CNTNAP2: variants seen among roughly 807,000 people sequenced by gnomAD.
CNTNAP2 encodes the protein contactin-associated protein-like 2.
CNTNAP2 carries 98 observed loss-of-function variants against 155.2 expected under a neutral mutation model. The ratio of observed to expected loss-of-function variants is 0.63; its 90% confidence interval spans 0.54 to 0.75. The LOEUF (loss-of-function observed/expected upper bound fraction) is 0.75, where lower values mean the gene tolerates loss of function less well. CNTNAP2 is among the 30% of genes least tolerant of loss of function. The probability of loss-of-function intolerance (pLI) is 0.00; values close to 1 mark genes in which losing one functional copy is unlikely to be tolerated. For synonymous variants in CNTNAP2, 651 were observed against 631.2 expected (o/e 1.03, Z -0.47); for missense variants, 1,727 against 1,688.1 (o/e 1.02, Z -0.40).
chr7:147,034,159 G>A (rs908783761), intron 3 of CNTNAP2, among the ~76,000 whole-genome samples: 2 of 152,188 alleles, frequency 1.3e-5, no homozygotes, highest in African/African-American at 2.4e-5. Context: ...TCCGGGCATT[G>A]CCATGCCATC....
chr7:146,279,445 C>CACAG (rs1381511800), intron 1 of CNTNAP2, among the ~76,000 whole-genome samples: 3 of 151,744 alleles, frequency 2.0e-5, no homozygotes, highest in African/African-American at 7.3e-5. Context: ...CACACACACA[C>CACAG]ACACACACAC....
At chr7:148,175,274 T>C (rs1268810536) in intron 18 of CNTNAP2, among the ~76,000 whole-genome samples, 1 of 152,192 alleles carries the variant, frequency 6.6e-6, no homozygotes, top group Non-Finnish European at 1.5e-5. Flanking sequence ...CTTTGCACAA[T>C]GATGTATTTC....
chr7:147,078,111 T>A lies in CNTNAP2; in HGVS notation c.551-30036T>A, dbSNP rs192669175. On this transcript the variant is annotated intron_variant, in intron 4 of 23. Coordinates refer to ENST00000361727, the MANE Select transcript of CNTNAP2 (RefSeq NM_014141.6). ...ATGTATGCTGCACAATTAAGTAGAT[T>A]GATAGATATTTTTCATCAGCACAAA... Among the ~76,000 whole-genome samples the A allele has an allele frequency of 3.9e-5, 6 of 152,330 alleles. No individual in the cohort carries two copies. In the East Asian group the frequency reaches 1.2e-3, roughly 29 times the overall value.
chr7:147,143,922 AT>A (rs908736645), intron 8 of CNTNAP2, among the ~76,000 whole-genome samples: 11 of 152,204 alleles, frequency 7.2e-5, no homozygotes, highest in African/African-American at 2.6e-4. Flanking sequence ...CTTTGTATTT[AT>A]TTTTTTCACA....
Position 147,654,808 on chromosome 7 carries a change from C to CTTTTTTTTTT in CNTNAP2, c.2098+15516_2098+15525dup, listed in dbSNP as rs1186575442. Among the ~76,000 whole-genome samples, 44 of 97,312 alleles carry CTTTTTTTTTT rather than the reference C, an allele frequency of 4.5e-4. 2 individuals are homozygous for CTTTTTTTTTT. Among genetic ancestry groups the CTTTTTTTTTT allele is most frequent in the African/African-American group, 8.0e-4 (18 of 22,510 alleles). 63.8% of individuals were successfully genotyped at this position (97,312 alleles called of 152,430 possible). A position where few individuals can be genotyped will look rare whatever the true frequency, so the allele number is the denominator to read the frequency against. Reference sequence around the variant, plus strand: ...AGCTATAGCCTAGCAAAATATATTTCTTTTTTTTTTTTTTTTTTTTTTTGA... The same window carrying CTTTTTTTTTT: ...AGCTATAGCCTAGCAAAATATATTTCTTTTTTTTTTTTTTTTTTTTTTTTTTTTTTTTTGA... On this transcript the variant is annotated intron_variant, in intron 13 of 23. Coordinates refer to ENST00000361727, the MANE Select transcript of CNTNAP2 (RefSeq NM_014141.6).
At chr7:147,910,173 T>G (rs1207046308) in intron 14 of CNTNAP2, among the ~76,000 whole-genome samples, 5 of 152,218 alleles carry the variant, frequency 3.3e-5, no homozygotes, top group Non-Finnish European at 7.3e-5. Flanking sequence ...TAATTTTTTG[T>G]CCTTGTTTAT....
At chr7:146,858,191 G>A (rs550977394) in intron 3 of CNTNAP2, among the ~76,000 whole-genome samples, 2 of 152,278 alleles carry the variant, frequency 1.3e-5, no homozygotes, top group South Asian at 4.1e-4. Context: ...GTTTTCTCTT[G>A]CCAGAGGAGT....
At chr7:147,770,040 ATG>A (rs369787864) in intron 13 of CNTNAP2, among the ~76,000 whole-genome samples, 120 of 151,954 alleles carry the variant, frequency 7.9e-4, no homozygotes, top group Non-Finnish European at 1.3e-3. Context: ...CATTGTCCTT[ATG>A]TGTGTGTGTG....
At chr7:147,322,428 T>G (rs66814833) in intron 9 of CNTNAP2, among the ~76,000 whole-genome samples, 1 of 152,338 alleles carries the variant, frequency 6.6e-6, no homozygotes, top group South Asian at 2.1e-4. Flanking sequence ...TAAAGTGGCA[T>G]TCAATATTTA....
intron 1 of CNTNAP2, among the ~76,000 whole-genome samples, chr7:146,713,548 C>G (rs992104022): frequency 6.6e-6 from 1 of 152,178 alleles, no homozygotes; most frequent in Non-Finnish European, 1.5e-5. Context: ...CCAACCACCT[C>G]ACCTGCAATC....
At chr7:146,213,982 C>T (rs1799076644) in intron 1 of CNTNAP2, among the ~76,000 whole-genome samples, 1 of 152,174 alleles carries the variant, frequency 6.6e-6, no homozygotes, top group Non-Finnish European at 1.5e-5. Context: ...GCTTCGGTTT[C>T]CTCATCTGAA....
At chr7:147,667,808 T>G (rs199563815) in intron 13 of CNTNAP2, among the ~76,000 whole-genome samples, 1 of 134,510 alleles carries the variant, frequency 7.4e-6, no homozygotes, top group African/African-American at 2.9e-5. Flanking sequence ...AAAAAAAAAA[T>G]AATAAAAAAA....
chr7:147,559,812 C>A (rs1277765370), intron 11 of CNTNAP2, among the ~76,000 whole-genome samples: 3 of 151,716 alleles, frequency 2.0e-5, no homozygotes, highest in African/African-American at 7.3e-5. Context: ...ACTCTTAACT[C>A]CTCTGTATTC....
chr7:146,539,895 A>G (rs73741740), intron 1 of CNTNAP2, among the ~76,000 whole-genome samples: 2,492 of 152,238 alleles, frequency 0.016, 59 homozygotes, highest in African/African-American at 0.057. Context: ...AACAACAGCA[A>G]TAGTTGAATA....
At chr7:147,678,246 T>C (rs1795897149) in intron 13 of CNTNAP2, among the ~76,000 whole-genome samples, 1 of 151,798 alleles carries the variant, frequency 6.6e-6, no homozygotes, top group African/African-American at 2.4e-5. Context: ...CAGCAGTTTT[T>C]CCCAATACCA....
At chr7:148,081,436 G>A (rs958520694) in intron 15 of CNTNAP2, among the ~76,000 whole-genome samples, 6 of 151,928 alleles carry the variant, frequency 3.9e-5, no homozygotes, top group Non-Finnish European at 5.9e-5. Context: ...CTGCCAGCAC[G>A]GCTAGAATAT....
At chr7:147,825,570 A>T (rs953632660) in intron 13 of CNTNAP2, among the ~76,000 whole-genome samples, 2 of 152,216 alleles carry the variant, frequency 1.3e-5, no homozygotes, top group Non-Finnish European at 2.9e-5. Context: ...TTCTCCAATA[A>T]AATTAAAAAT....
chr7:146,340,647 A>G (rs1184561517), intron 1 of CNTNAP2, among the ~76,000 whole-genome samples: 1 of 152,132 alleles, frequency 6.6e-6, no homozygotes, highest in East Asian at 1.9e-4. Flanking sequence ...GGTCTAGGTT[A>G]ACAAATGTTA....
At chr7:147,100,686 T>C (rs939360903) in intron 4 of CNTNAP2, among the ~76,000 whole-genome samples, 1 of 152,150 alleles carries the variant, frequency 6.6e-6, no homozygotes, top group African/African-American at 2.4e-5. Context: ...ATCTGTACTC[T>C]TAGAAAGTAA....
Sources: gnomAD v4.1 joint callset for allele counts (sites outside exome capture counted in the v4.1 genomes callset) on GRCh38, gnomAD v4.1.1 for gene constraint, MANE v1.5 for transcripts, NCBI Gene and HGNC (gene_info 2026-07-23, HGNC 2026-07-21) for gene names.